Variants in TCF4 observed in about 807,000 individuals in gnomAD.
The protein encoded by TCF4 is SL3-3 enhancer factor 2.
A neutral mutation model predicts 82.1 loss-of-function variants in TCF4; 3 were observed. That is an observed-to-expected ratio of 0.04 (90% CI 0.02 to 0.09). TCF4 has a LOEUF of 0.09. TCF4 is among the 10% of genes least tolerant of loss of function. The pLI is 1.00. For synonymous variants in TCF4, 276 were observed against 309.6 expected (o/e 0.89, Z 1.14); for missense variants, 518 against 852.7 (o/e 0.61, Z 4.89).
At chr18:55,425,887 A>G (rs996093298) in intron 5 of TCF4, among the ~76,000 whole-genome samples, 8 of 152,294 alleles carry the variant, frequency 5.3e-5, no homozygotes, top group Admixed American at 2.6e-4. Context: ...GGGTGGCTCA[A>G]TCGCTCTGCT....
At chr18:55,425,390 C>G (rs1348528806) in intron 5 of TCF4, among the ~76,000 whole-genome samples, 1 of 151,050 alleles carries the variant, frequency 6.6e-6, no homozygotes, top group African/African-American at 2.4e-5. Flanking sequence ...CTTCCCCCAG[C>G]TCTTCACCAA....
chr18:55,338,736 T>C (rs1240770854), intron 8 of TCF4, among the ~76,000 whole-genome samples: 1 of 152,194 alleles, frequency 6.6e-6, no homozygotes, highest in African/African-American at 2.4e-5. Flanking sequence ...TTGCTAAATG[T>C]ACGGAATCTG....
intron 3 of TCF4, among the ~76,000 whole-genome samples, chr18:55,542,685 A>G (rs1192714434): frequency 6.6e-6 from 1 of 151,914 alleles, no homozygotes; most frequent in Admixed American, 6.6e-5. Flanking sequence ...TGTACACACA[A>G]TCTGCCATGT....
At chr18:55,281,996 T>G (rs2146323810) in intron 8 of TCF4, among the ~76,000 whole-genome samples, 1 of 152,126 alleles carries the variant, frequency 6.6e-6, no homozygotes, top group South Asian at 2.1e-4. Flanking sequence ...CATGAAACTC[T>G]TTGTTAATAG....
chr18:55,496,698 T>A (rs1047483773), intron 3 of TCF4, among the ~76,000 whole-genome samples: 2 of 152,072 alleles, frequency 1.3e-5, no homozygotes, highest in South Asian at 2.1e-4. Flanking sequence ...TACTGTACAA[T>A]CTGTCACAAT....
intron 5 of TCF4, among the ~76,000 whole-genome samples, chr18:55,418,420 AAT>A (rs1254832603): frequency 6.6e-6 from 1 of 152,108 alleles, no homozygotes; most frequent in African/African-American, 2.4e-5. Flanking sequence ...CTTATTTTTA[AAT>A]ATGAGATGAT....
chr18:55,302,430 C>A, intron 8 of TCF4: 1 of 1,536,314 alleles, frequency 6.5e-7, no homozygotes, highest in Non-Finnish European at 8.7e-7. Flanking sequence ...GCTTTCCCTT[C>A]GTGGTCCAGG....
At chr18:55,257,062 A>G (rs2057010306) in intron 14 of TCF4, among the ~76,000 whole-genome samples, 1 of 152,114 alleles carries the variant, frequency 6.6e-6, no homozygotes, top group Admixed American at 6.6e-5. Flanking sequence ...GGAGAAGGCC[A>G]TTGCCCTTCC....
chr18:55,396,706 T>A (rs1314062346), intron 6 of TCF4, among the ~76,000 whole-genome samples: 2 of 152,208 alleles, frequency 1.3e-5, no homozygotes, highest in Non-Finnish European at 1.5e-5. Flanking sequence ...TCCCTCCTCT[T>A]ACAATTAAAG....
At chr18:55,565,506 A>C (rs2097396717) in intron 3 of TCF4, among the ~76,000 whole-genome samples, 1 of 152,206 alleles carries the variant, frequency 6.6e-6, no homozygotes, top group Non-Finnish European at 1.5e-5. Flanking sequence ...ATGAAGCAAA[A>C]GCAATTCCTC....
intron 3 of TCF4, among the ~76,000 whole-genome samples, chr18:55,470,953 C>T (rs932328099): frequency 1.3e-5 from 2 of 152,138 alleles, no homozygotes; most frequent in Non-Finnish European, 1.5e-5. Context: ...TCCTCTACAC[C>T]ATTATGGAGA....
chr18:55,625,611 G>A (rs944233087), intron 2 of TCF4, among the ~76,000 whole-genome samples: 11 of 152,074 alleles, frequency 7.2e-5, no homozygotes, highest in African/African-American at 2.7e-4. Context: ...TTGTCCCACC[G>A]ATGAGAGAAT....
At chr18:55,244,593 G>A (rs1353661875) in intron 15 of TCF4, among the ~76,000 whole-genome samples, 1 of 152,116 alleles carries the variant, frequency 6.6e-6, no homozygotes, top group Non-Finnish European at 1.5e-5. Flanking sequence ...TCTTCTAATA[G>A]GAAGTGCCCT....
chr18:55,366,016 AT>A (rs2087012054), intron 6 of TCF4, among the ~76,000 whole-genome samples: 1 of 110,498 alleles, frequency 9.0e-6, no homozygotes, highest in East Asian at 3.2e-4. Flanking sequence ...AGATATAGAT[AT>A]AGATATAGAT....
chr18:55,391,074 G>T (rs1407123592), intron 6 of TCF4, among the ~76,000 whole-genome samples: 2 of 152,192 alleles, frequency 1.3e-5, no homozygotes, highest in Non-Finnish European at 2.9e-5. Context: ...CATAGCAGTG[G>T]CAGCTGTTGA....
intron 5 of TCF4, among the ~76,000 whole-genome samples, chr18:55,418,921 C>CACAT (rs1183606286): frequency 5.3e-5 from 8 of 152,170 alleles, no homozygotes; most frequent in Admixed American, 3.9e-4. Flanking sequence ...CCCACACACA[C>CACAT]ACATACATAC....
At position 55,343,703 on chromosome 18, in the gene TCF4, C is replaced by T. The variant is rs374539306; in HGVS notation, c.549+6656G>A. ...GCATCAAACTCCTCAAATAGCTCTA[C>T]ACCTATGCAGCAGCTGCAACTTAAA... is the stretch of plus-strand genomic sequence containing the variant. On this transcript the variant is annotated intron_variant, in intron 8 of 19. Coordinates refer to ENST00000354452, the MANE Select transcript of TCF4 (RefSeq NM_001083962.2). Among the ~76,000 whole-genome samples, 11 of 152,298 alleles carry T rather than the reference C, an allele frequency of 7.2e-5. No individual in the cohort carries two copies. In the East Asian group the frequency reaches 1.2e-3, roughly 16 times the overall value.
intron 8 of TCF4, among the ~76,000 whole-genome samples, chr18:55,348,988 C>T (rs1341835491): frequency 3.3e-5 from 5 of 152,090 alleles, no homozygotes; most frequent in African/African-American, 1.2e-4. Flanking sequence ...GTTTCATCAA[C>T]ATTAAATCCA....
At chr18:55,512,937 G>C (rs2096843166) in intron 3 of TCF4, among the ~76,000 whole-genome samples, 1 of 152,116 alleles carries the variant, frequency 6.6e-6, no homozygotes, top group Non-Finnish European at 1.5e-5. Context: ...GCAGGATACT[G>C]AGCAAATAAC....
Sources: gnomAD v4.1 joint callset for allele counts (sites outside exome capture counted in the v4.1 genomes callset) on GRCh38, gnomAD v4.1.1 for gene constraint, MANE v1.5 for transcripts, NCBI Gene and HGNC (gene_info 2026-07-23, HGNC 2026-07-21) for gene names.